The following CYP19A1 variants were observed in gnomAD, a reference collection of about 807,000 sequenced individuals.
The protein encoded by CYP19A1 is cytochrome P450 family 19 subfamily A member 1.
Under a neutral mutation model 44.4 loss-of-function variants are expected in CYP19A1, and 32 were observed. That is an observed-to-expected ratio of 0.72 (90% CI 0.54 to 0.97). The LOEUF (loss-of-function observed/expected upper bound fraction) is 0.97, where lower values mean the gene tolerates loss of function less well. Among genes scored for constraint, CYP19A1 ranks in the 50% least tolerant of loss-of-function variants. The pLI is 0.00. For synonymous variants in CYP19A1, 212 were observed against 215.6 expected, an observed-to-expected ratio of 0.98 and a Z score of 0.14; for missense variants, 598 against 637.8, an observed-to-expected ratio of 0.94 and a Z score of 0.67.
chr15:51,245,007 C>T (rs1461631115), intron 1 of CYP19A1, among the ~76,000 whole-genome samples: 2 of 152,174 alleles, frequency 1.3e-5, no homozygotes, highest in African/African-American at 4.8e-5. Context: ...TTACTGTGTC[C>T]TAAAATATTT....
chr15:51,282,090 G>A (rs1401722600), intron 1 of CYP19A1, among the ~76,000 whole-genome samples: 6 of 151,936 alleles, frequency 3.9e-5, no homozygotes, highest in African/African-American at 1.5e-4. Flanking sequence ...GGGACCTCTG[G>A]AATGAGAAGA....
At chr15:51,256,211 C>A (rs962031729) in intron 1 of CYP19A1, among the ~76,000 whole-genome samples, 5 of 152,188 alleles carry the variant, frequency 3.3e-5, no homozygotes, top group Non-Finnish European at 7.3e-5. Context: ...CTCTACCTAA[C>A]CTTGGGAATA....
rs563650511 is a variant in CYP19A1, at chr15:51,292,226, G to A, written c.-39+46269C>T. 4.5e-4 allele frequency among the ~76,000 whole-genome samples: 68 copies of A among 152,342 alleles called. 1 individual carries two copies. In the South Asian group the frequency reaches 0.014, roughly 31 times the overall value. ...TCAACCCTGGTGATAGTCAAAGAGA[G>A]AAATCATCTCCAACTAGGGTTAATT... On this transcript the variant is annotated intron_variant, in intron 1 of 9. Transcript: ENST00000396402.
intron 2 of CYP19A1, among the ~76,000 whole-genome samples, chr15:51,240,521 A>G (rs1380320482): frequency 1.3e-5 from 2 of 152,158 alleles, no homozygotes; most frequent in African/African-American, 4.8e-5. Context: ...CTCTAAAACC[A>G]AGAACCTAGA....
chr15:51,294,346 G>A (rs2035926042), intron 1 of CYP19A1, among the ~76,000 whole-genome samples: 1 of 150,024 alleles, frequency 6.7e-6, no homozygotes, highest in Non-Finnish European at 1.5e-5. Flanking sequence ...GATGTGAGGA[G>A]CGCCTCTGCC....
In CYP19A1 at chr15:51,227,934, C is replaced by T; in HGVS notation, c.297-1G>A. On this transcript the variant is annotated splice_acceptor_variant, in intron 3 of 9. Transcript: ENST00000396402. LOFTEE classifies it high-confidence loss of function. ...CATTATGTGGAACATACTTGAGGAC[C>T]TGAAAAGACAGGAAACTTTGGTGTC... is the stretch of plus-strand genomic sequence containing the variant. The T allele has an allele frequency of 5.7e-6, 9 of 1,575,588 alleles. No homozygotes were observed. Among genetic ancestry groups the T allele is most frequent in the Non-Finnish European group, 6.1e-6 (7 of 1,144,926 alleles).
At chr15:51,288,271 A>G (rs1414200614) in intron 1 of CYP19A1, among the ~76,000 whole-genome samples, 2 of 151,758 alleles carry the variant, frequency 1.3e-5, no homozygotes, top group African/African-American at 2.4e-5. Context: ...ATCCTGCCAT[A>G]CTCCCAGCCC....
At chr15:51,281,389 C>T (rs559953047) in intron 1 of CYP19A1, among the ~76,000 whole-genome samples, 117 of 152,312 alleles carry the variant, frequency 7.7e-4, no homozygotes, top group East Asian at 1.5e-3. Flanking sequence ...GCCAGTACTA[C>T]GCAAGGGGGC....
chr15:51,337,409 T>G (rs1333957642), intron 1 of CYP19A1, among the ~76,000 whole-genome samples: 1 of 152,236 alleles, frequency 6.6e-6, no homozygotes, highest in Non-Finnish European at 1.5e-5. Flanking sequence ...TACAAGTGCT[T>G]TACAAGTATT....
intron 1 of CYP19A1, among the ~76,000 whole-genome samples, chr15:51,294,465 C>T (rs2035931593): frequency 8.3e-6 from 1 of 120,312 alleles, no homozygotes; most frequent in African/African-American, 3.4e-5. Flanking sequence ...AGTGAGGAGC[C>T]CCTCCGCCCG....
chr15:51,327,650 C>T (rs1298948257), intron 1 of CYP19A1, among the ~76,000 whole-genome samples: 1 of 152,098 alleles, frequency 6.6e-6, no homozygotes, highest in Non-Finnish European at 1.5e-5. Flanking sequence ...AGGCTCAGCC[C>T]AACAGACAGA....
chr15:51,211,179 C>T (rs772141751), intron 9 of CYP19A1, 123 bp from the exon 10 acceptor site: 17 of 711,600 alleles, frequency 2.4e-5, no homozygotes, highest in East Asian at 5.3e-5. Context: ...GCTACAATGC[C>T]CTCCATCCCC....
intron 1 of CYP19A1, among the ~76,000 whole-genome samples, chr15:51,336,986 A>G (rs2036787372): frequency 6.6e-6 from 1 of 152,002 alleles, no homozygotes; most frequent in South Asian, 2.1e-4. Flanking sequence ...CTATGCAGGC[A>G]TATCTGCCTC....
intron 1 of CYP19A1, among the ~76,000 whole-genome samples, chr15:51,282,617 C>CT (rs1258514639): frequency 1.3e-5 from 2 of 152,206 alleles, no homozygotes; most frequent in Non-Finnish European, 2.9e-5. Flanking sequence ...CTCAAACTGT[C>CT]TTTTCTCTTT....
chr15:51,267,063 C>T (rs140579964), intron 1 of CYP19A1, among the ~76,000 whole-genome samples: 412 of 152,324 alleles, frequency 2.7e-3, no homozygotes, highest in Non-Finnish European at 4.2e-3. Context: ...TACCCAGACA[C>T]ATTCCCTGCT....
At chr15:51,301,843 A>G (rs917003533) in intron 1 of CYP19A1, among the ~76,000 whole-genome samples, 2 of 152,264 alleles carry the variant, frequency 1.3e-5, no homozygotes, top group African/African-American at 2.4e-5. Context: ...CACCAAAGAT[A>G]AAACAAAACT....
At chr15:51,237,409 C>T (rs1045742231) in intron 2 of CYP19A1, among the ~76,000 whole-genome samples, 10 of 152,116 alleles carry the variant, frequency 6.6e-5, no homozygotes, top group South Asian at 4.1e-4. Flanking sequence ...ATCTGTTTGG[C>T]GCCTAGTTTT....
At chr15:51,231,366 G>A (rs2033017529) in intron 3 of CYP19A1, among the ~76,000 whole-genome samples, 1 of 152,104 alleles carries the variant, frequency 6.6e-6, no homozygotes, top group Non-Finnish European at 1.5e-5. Context: ...GTCACAGGGG[G>A]AAAAGTGTGG....
At chr15:51,279,401 ACT>A (rs2035438050) in intron 1 of CYP19A1, among the ~76,000 whole-genome samples, 3 of 152,230 alleles carry the variant, frequency 2.0e-5, no homozygotes, top group Admixed American at 2.0e-4. Context: ...AGTGCTGGTC[ACT>A]GTCAGATTGG....
Sources: allele counts gnomAD v4.1 joint callset (sites outside exome capture counted in the v4.1 genomes callset), GRCh38; gene constraint gnomAD v4.1.1; transcripts MANE v1.5; gene names NCBI Gene and HGNC (gene_info 2026-07-23, HGNC 2026-07-21).